The following PXDNL variants were observed in gnomAD, a reference collection of about 807,000 sequenced individuals.
PXDNL encodes the protein peroxidasin like.
In PXDNL, 145 loss-of-function variants were observed where a neutral mutation model predicts 150.8. That is an observed-to-expected ratio of 0.96 (90% CI 0.84 to 1.10). The LOEUF is 1.10. Among genes scored for constraint, PXDNL ranks in the 50% least tolerant of loss-of-function variants. PXDNL has a pLI of 0.00. For missense variants in PXDNL, 2,087 were observed against 1,873.9 expected, an observed-to-expected ratio of 1.11 and a Z score of -2.10; for synonymous variants, 757 against 725.7, an observed-to-expected ratio of 1.04 and a Z score of -0.69.
intron 1 of PXDNL, among the ~76,000 whole-genome samples, chr8:51,756,057 C>T (rs2037096512): frequency 6.6e-6 from 1 of 152,102 alleles, no homozygotes; most frequent in Non-Finnish European, 1.5e-5. Context: ...GTATCATATA[C>T]ATGAGTATCA....
intron 21 of PXDNL, among the ~76,000 whole-genome samples, chr8:51,332,992 T>C (rs1805733471): frequency 6.6e-6 from 1 of 152,126 alleles, no homozygotes. Flanking sequence ...AAAGAACACC[T>C]GGGGAATTCA....
chr8:51,421,631 G>A (rs376579526), intron 14 of PXDNL, among the ~76,000 whole-genome samples: 10 of 152,156 alleles, frequency 6.6e-5, no homozygotes, highest in South Asian at 4.2e-4. Context: ...CCCGAGAGTC[G>A]GAAGTTGCAG....
chr8:51,488,582 A>G lies in PXDNL; in HGVS notation c.453-4868T>C, dbSNP rs1322611742. 2.0e-5 allele frequency among the ~76,000 whole-genome samples: 3 copies of G among 152,206 alleles called. No individual in the cohort carries two copies. In the East Asian group the frequency reaches 5.8e-4, roughly 29 times the overall value. ...GTAACGGAATTTTTGTGGAGCTGAA[A>G]CTCAAGAGAAAAAGCCTTCCTCATT... On this transcript the variant is annotated intron_variant, in intron 5 of 22. Coordinates refer to ENST00000356297, the MANE Select transcript of PXDNL (RefSeq NM_144651.5).
chr8:51,413,233 A>C lies in PXDNL; in HGVS notation c.1821T>G (p.Asp607Glu). The change falls in exon 15 of 23, where the codon GAT (aspartate) becomes GAG (glutamate). Residue 607 changes from aspartate to glutamate, a missense_variant. Physicochemically the swap from Asp to Glu is conservative, Grantham distance 45. Coordinates refer to ENST00000356297, the MANE Select transcript of PXDNL (RefSeq NM_144651.5). The part of the protein sequence containing the change: ...VTAIQGRQAG[D>E]DFVESSILDA... The stretch of plus-strand genomic sequence containing the variant: ...CAAGAATGGAAGATTCAACAAAGTC[A>C]TCGCCAGCTTGTCTACCCTGTATAG... 6.2e-7 allele frequency: 1 copy of C among 1,611,886 alleles called. No homozygotes were observed. The highest frequency in any genetic ancestry group is 8.5e-7 in the Non-Finnish European group (1 of 1,178,274).
chr8:51,404,958 G>A (rs562198556), intron 17 of PXDNL, among the ~76,000 whole-genome samples: 6 of 152,296 alleles, frequency 3.9e-5, no homozygotes, highest in South Asian at 2.1e-4. Flanking sequence ...CTGCAGGTCC[G>A]AGTCCTGCCC....
chr8:51,666,569 A>G (rs549756322), intron 1 of PXDNL, among the ~76,000 whole-genome samples: 22 of 152,288 alleles, frequency 1.4e-4, no homozygotes, highest in African/African-American at 5.3e-4. Context: ...GACCTCTCTA[A>G]TAAATGGGCG....
At chr8:51,408,025 T>C in intron 17 of PXDNL, 42 bp downstream of exon 17, 1 of 1,522,958 alleles carries the variant, frequency 6.6e-7, no homozygotes, top group Non-Finnish European at 8.8e-7. Flanking sequence ...CTTTTACCTC[T>C]CCTAAGAAAT....
intron 2 of PXDNL, among the ~76,000 whole-genome samples, chr8:51,649,201 A>G (rs1482590908): frequency 6.6e-6 from 1 of 152,038 alleles, no homozygotes; most frequent in African/African-American, 2.4e-5. Context: ...CAGACAAGAC[A>G]TGCTCGAGGA....
intron 21 of PXDNL, among the ~76,000 whole-genome samples, chr8:51,325,863 G>T (rs912116813): frequency 1.3e-5 from 2 of 152,200 alleles, no homozygotes; most frequent in African/African-American, 4.8e-5. Context: ...TGCTGGTCTT[G>T]CTGGAGGTGG....
At chr8:51,808,617 T>TTTTAAG (rs2037703099) in intron 1 of PXDNL, among the ~76,000 whole-genome samples, 1 of 152,202 alleles carries the variant, frequency 6.6e-6, no homozygotes, top group African/African-American at 2.4e-5. Context: ...AAGCGGCTGC[T>TTTTAAG]CCACAAGGCT....
In PXDNL at chr8:51,581,448, C is replaced by T. The variant is rs534467303; in HGVS notation, c.308+11179G>A. On this transcript the variant is annotated intron_variant, in intron 3 of 22. Coordinates refer to ENST00000356297, the MANE Select transcript of PXDNL (RefSeq NM_144651.5). ...AGGTTGCAGTGCAGTGAGCTGAGAT[C>T]GCACCACTGCACTCCAGCCTAGATG... is the stretch of plus-strand genomic sequence containing the variant. 3.1e-4 allele frequency among the ~76,000 whole-genome samples: 47 copies of T among 151,810 alleles called. 1 individual carries two copies. The highest frequency in any genetic ancestry group is 5.2e-4 in the Admixed American group (8 of 15,252).
intron 21 of PXDNL, 34 bp downstream of exon 21, chr8:51,339,590 C>G (rs756407074): frequency 6.2e-7 from 1 of 1,603,318 alleles, no homozygotes; most frequent in Admixed American, 1.7e-5. Flanking sequence ...CCAACGCATA[C>G]AATAAGGACA....
chr8:51,600,154 A>T (rs1813666931), intron 2 of PXDNL, among the ~76,000 whole-genome samples: 1 of 145,524 alleles, frequency 6.9e-6, no homozygotes, highest in Admixed American at 6.9e-5. Flanking sequence ...TATATAAATT[A>T]TATCGTTTAG....
At chr8:51,467,030 CCCCATTACTGGATA>C (rs1810219692) in intron 8 of PXDNL, among the ~76,000 whole-genome samples, 1 of 152,074 alleles carries the variant, frequency 6.6e-6, no homozygotes, top group South Asian at 2.1e-4. Context: ...AACACAGCAA[CCCCATTACTGGATA>C]CCCAAAGAAA....
chr8:51,797,623 T>A (rs1391888817), intron 1 of PXDNL, among the ~76,000 whole-genome samples: 1 of 152,144 alleles, frequency 6.6e-6, no homozygotes, highest in African/African-American at 2.4e-5. Context: ...ACAAGGTACG[T>A]GAATGACCTC....
chr8:51,549,046 A>G (rs1450642092), intron 4 of PXDNL, among the ~76,000 whole-genome samples: 1 of 152,202 alleles, frequency 6.6e-6, no homozygotes, highest in Non-Finnish European at 1.5e-5. Flanking sequence ...ATCAGACAAA[A>G]CACACTATAA....
At chr8:51,644,960 T>A (rs1456971700) in intron 2 of PXDNL, among the ~76,000 whole-genome samples, 1 of 150,292 alleles carries the variant, frequency 6.7e-6, no homozygotes, top group African/African-American at 2.4e-5. Context: ...CAATAGGAAA[T>A]ACATGGAGAC....
In PXDNL at chr8:51,644,600, C is replaced by A. The variant is rs183203447; in HGVS notation, c.236+10089G>T. On this transcript the variant is annotated intron_variant, in intron 2 of 22. Coordinates refer to ENST00000356297, the MANE Select transcript of PXDNL (RefSeq NM_144651.5). ...TCAGCCTCCCAAGTAGCTGGGACTACAAGCTCCTGCCACCGCGCCCAGCTA... is the reference window on the plus strand; with the variant it reads ...TCAGCCTCCCAAGTAGCTGGGACTAAAAGCTCCTGCCACCGCGCCCAGCTA... Among the ~76,000 whole-genome samples, 245 of 130,842 alleles carry A rather than the reference C, an allele frequency of 1.9e-3. 2 individuals carry two copies. The highest frequency in any genetic ancestry group is 6.5e-3 in the African/African-American group (234 of 35,754). The allele number at this position is 130,842 out of a possible 152,430, so 85.8% of individuals were successfully genotyped here. A position where few individuals can be genotyped will look rare whatever the true frequency, so the allele number is the denominator to read the frequency against.
At chr8:51,556,971 A>T (rs1196640777) in intron 3 of PXDNL, 60 bp from the exon 4 acceptor site, 2 of 1,001,036 alleles carry the variant, frequency 2.0e-6, no homozygotes, top group African/African-American at 1.6e-5. Context: ...CATGTCTTAG[A>T]TACAAACTTT....
Sources: gnomAD v4.1 joint callset for allele counts (sites outside exome capture counted in the v4.1 genomes callset) on GRCh38, gnomAD v4.1.1 for gene constraint, MANE v1.5 for transcripts, NCBI Gene and HGNC (gene_info 2026-07-23, HGNC 2026-07-21) for gene names.